The following PLEKHA7 variants were observed in gnomAD, a reference collection of about 807,000 sequenced individuals.
The protein encoded by PLEKHA7 is pleckstrin homology domain containing A7, also known as pleckstrin homology domain-containing family A member 7.
PLEKHA7 carries 104 observed loss-of-function variants against 170.0 expected under a neutral mutation model. The observed-to-expected ratio is 0.61, with a 90% CI of 0.52 to 0.72. The LOEUF is 0.72. Among genes scored for constraint, PLEKHA7 ranks in the 30% least tolerant of loss-of-function variants. The pLI is 0.00. For synonymous variants in PLEKHA7, 648 were observed against 660.8 expected (o/e 0.98, Z 0.30); for missense variants, 1,615 against 1,671.7 (o/e 0.97, Z 0.59).
chr11:16,837,276 T>C (rs376429389), intron 9 of PLEKHA7, among the ~76,000 whole-genome samples: 90 of 152,304 alleles, frequency 5.9e-4, no homozygotes, highest in African/African-American at 2.0e-3. Flanking sequence ...GGAGGAGCCC[T>C]TCCAACACCA....
At chr11:16,786,679 G>A (rs1849418937) in intron 23 of PLEKHA7, 1 of 985,294 alleles carries the variant, frequency 1.0e-6, no homozygotes, top group African/African-American at 1.7e-5. Context: ...AAGGCTCCCA[G>A]AGAGGGTGAC....
chr11:16,985,495 A>G (rs1415319035), intron 3 of PLEKHA7, among the ~76,000 whole-genome samples: 1 of 151,882 alleles, frequency 6.6e-6, no homozygotes, highest in African/African-American at 2.4e-5. Flanking sequence ...CGTGAGCAGC[A>G]AATGCAGTGC....
At chr11:16,825,733 AT>A (rs34022487) in intron 10 of PLEKHA7, among the ~76,000 whole-genome samples, 70,001 of 152,164 alleles carry the variant, frequency 0.46, 17,819 homozygotes, top group East Asian at 0.71. Flanking sequence ...TTCTATAAAC[AT>A]TTTTTTGGAT....
At chr11:16,788,785 G>A (rs1849578392) in intron 23 of PLEKHA7, 1 of 467,976 alleles carries the variant, frequency 2.1e-6, no homozygotes, top group African/African-American at 1.9e-5. Flanking sequence ...GTATTCCCAG[G>A]TCCTGAATTC....
Position 16,801,906 on chromosome 11 carries a change from C to T in PLEKHA7, c.2158-89G>A, listed in dbSNP as rs976710529. On this transcript the variant is annotated intron_variant, in intron 15 of 26. Coordinates refer to ENST00000531066, the MANE Select transcript of PLEKHA7 (RefSeq NM_001329630.2). Reference sequence around the variant, plus strand: ...CACACCAGGAACCAAAGCTACTGGACCTAACCAAGGCCGAAGGGATCAGCG... The same window carrying T: ...CACACCAGGAACCAAAGCTACTGGATCTAACCAAGGCCGAAGGGATCAGCG... 5.2e-6 allele frequency: 8 copies of T among 1,529,368 alleles called. No homozygotes were observed. The African/African-American group carries it at 8.2e-5, about 16-fold the overall frequency. The allele number at this position is 1,529,368 out of a possible 1,614,324, so 94.7% of individuals were successfully genotyped here. A position where few individuals can be genotyped will look rare whatever the true frequency, so the allele number is the denominator to read the frequency against.
chr11:16,833,166 T>C (rs1490570198), intron 9 of PLEKHA7, among the ~76,000 whole-genome samples: 1 of 152,220 alleles, frequency 6.6e-6, no homozygotes, highest in African/African-American at 2.4e-5. Flanking sequence ...CTTTTCATGC[T>C]GTGCTTTGCC....
At chr11:16,900,855 T>A (rs1337074849) in intron 3 of PLEKHA7, among the ~76,000 whole-genome samples, 3 of 152,036 alleles carry the variant, frequency 2.0e-5, no homozygotes, top group Non-Finnish European at 2.9e-5. Flanking sequence ...TTTTTATTTT[T>A]TTTTTTTTTT....
chr11:16,939,419 G>GA (rs199979687), intron 3 of PLEKHA7, among the ~76,000 whole-genome samples: 5,521 of 149,892 alleles, frequency 0.037, 150 homozygotes, highest in African/African-American at 0.073. Context: ...GTTATCTAAA[G>GA]AAAAAAAATA....
At chr11:16,838,809 C>G (rs1851733192) in intron 9 of PLEKHA7, among the ~76,000 whole-genome samples, 1 of 151,470 alleles carries the variant, frequency 6.6e-6, no homozygotes, top group Admixed American at 6.6e-5. Flanking sequence ...GCCTCAGCCT[C>G]CCGAGTAGCT....
chr11:17,013,650 G>A (rs747315826), intron 3 of PLEKHA7, among the ~76,000 whole-genome samples: 7 of 152,236 alleles, frequency 4.6e-5, no homozygotes, highest in Non-Finnish European at 8.8e-5. Flanking sequence ...CCCGGCACTC[G>A]CCTCTCCCGG....
chr11:16,852,212 T>G lies in PLEKHA7; in HGVS notation c.595+71A>C, dbSNP rs567662392. On this transcript the variant is annotated intron_variant, in intron 7 of 26. Coordinates refer to ENST00000531066, the MANE Select transcript of PLEKHA7 (RefSeq NM_001329630.2). ...CTTCCTGTGTTAGGACTGGTAAACC[T>G]GAAGTCACCAACCATCCACATATGT... 5.8e-4 allele frequency: 802 copies of G among 1,391,298 alleles called. 5 individuals carry two copies. In the South Asian group the frequency reaches 9.2e-3, roughly 16 times the overall value. 86.2% of individuals were successfully genotyped at this position (1,391,298 alleles called of 1,614,324 possible). A position where few individuals can be genotyped will look rare whatever the true frequency, so the allele number is the denominator to read the frequency against.
intron 3 of PLEKHA7, among the ~76,000 whole-genome samples, chr11:16,978,187 C>A (rs1467102083): frequency 6.6e-6 from 1 of 152,206 alleles, no homozygotes; most frequent in Non-Finnish European, 1.5e-5. Context: ...ATGGGCCAGA[C>A]ACAGTTTCTA....
intron 9 of PLEKHA7, among the ~76,000 whole-genome samples, chr11:16,829,145 A>C (rs755962776): frequency 3.3e-5 from 5 of 151,250 alleles, no homozygotes; most frequent in Non-Finnish European, 2.9e-5. Context: ...CTGGGACTAC[A>C]GGTGCATGCA....
chr11:16,816,763 A>G (rs1849786431), intron 11 of PLEKHA7, 37 bp downstream of exon 11: 2 of 1,599,490 alleles, frequency 1.3e-6, no homozygotes, highest in Admixed American at 1.7e-5. Flanking sequence ...CGCCCTCATG[A>G]TGACCCAGCA....
At chr11:16,803,446 T>G in intron 13 of PLEKHA7, 151 bp from the exon 14 acceptor site, 1 of 715,762 alleles carries the variant, frequency 1.4e-6, no homozygotes, top group Non-Finnish European at 2.3e-6. Context: ...TGGGCCATAC[T>G]TCGCTATTTC....
At chr11:16,940,673 C>A (rs988237125) in intron 3 of PLEKHA7, among the ~76,000 whole-genome samples, 1 of 152,082 alleles carries the variant, frequency 6.6e-6, no homozygotes, top group African/African-American at 2.4e-5. Flanking sequence ...GAATAAACTG[C>A]CTGACATAAC....
At chr11:16,888,941 T>TAAA (rs59807490) in intron 3 of PLEKHA7, among the ~76,000 whole-genome samples, 2 of 136,378 alleles carry the variant, frequency 1.5e-5, no homozygotes, top group South Asian at 2.4e-4. Flanking sequence ...TACTAAAAAT[T>TAAA]AAAAAAAAAA....
intron 3 of PLEKHA7, among the ~76,000 whole-genome samples, chr11:16,950,500 CTT>C (rs35252481): frequency 5.5e-5 from 8 of 145,384 alleles, no homozygotes; most frequent in Admixed American, 1.4e-4. Flanking sequence ...AGAGATAAGA[CTT>C]TTTTTTTTTT....
intron 3 of PLEKHA7, among the ~76,000 whole-genome samples, chr11:16,926,321 C>T (rs1339005692): frequency 6.6e-6 from 1 of 152,148 alleles, no homozygotes; most frequent in African/African-American, 2.4e-5. Flanking sequence ...ATGCCCTTGG[C>T]AATAAGGGAT....
Sources: allele counts gnomAD v4.1 joint callset (sites outside exome capture counted in the v4.1 genomes callset), GRCh38; gene constraint gnomAD v4.1.1; transcripts MANE v1.5; gene names NCBI Gene and HGNC (gene_info 2026-07-23, HGNC 2026-07-21).